Variants in C9orf50 observed in about 807,000 individuals in gnomAD.
C9orf50 encodes uncharacterized protein C9orf50.
In C9orf50, 33 loss-of-function variants were observed where a neutral mutation model predicts 42.5. That is an observed-to-expected ratio of 0.78 (90% CI 0.59 to 1.04). The LOEUF (loss-of-function observed/expected upper bound fraction) is 1.04. C9orf50 is among the 50% of genes least tolerant of loss of function. C9orf50 has a pLI of 0.00. For synonymous variants in C9orf50, 257 were observed against 273.4 expected, an observed-to-expected ratio of 0.94 and a Z score of 0.59; for missense variants, 547 against 594.3, an observed-to-expected ratio of 0.92 and a Z score of 0.83.
chr9:129,619,699 A>G (rs1830575061), intron 2 of C9orf50, 41 bp downstream of exon 2: 3 of 1,612,608 alleles, frequency 1.9e-6, no homozygotes, highest in Non-Finnish European at 2.5e-6. Flanking sequence ...GGAAACATCG[A>G]TGGCAACCCC....
intron 3 of C9orf50, among the ~76,000 whole-genome samples, chr9:129,616,856 A>T (rs1351295878): frequency 1.3e-5 from 2 of 152,184 alleles, no homozygotes; most frequent in African/African-American, 4.8e-5. Flanking sequence ...GCAGATCAAA[A>T]GGTCAAGAGA....
intron 3 of C9orf50, among the ~76,000 whole-genome samples, chr9:129,617,826 G>A (rs774427681): frequency 2.3e-4 from 35 of 152,152 alleles, no homozygotes; most frequent in Non-Finnish European, 4.6e-4. Flanking sequence ...TGGAACCACA[G>A]GCATGCACCA....
chr9:129,618,641 G>A (rs1830507474), intron 3 of C9orf50, among the ~76,000 whole-genome samples: 1 of 152,038 alleles, frequency 6.6e-6, no homozygotes, highest in African/African-American at 2.4e-5. Context: ...TTGGATCAAT[G>A]GATGGATGGA....
intron 4 of C9orf50, 22 bp downstream of exon 4, chr9:129,615,462 G>C: frequency 6.5e-7 from 1 of 1,544,686 alleles, no homozygotes; most frequent in Non-Finnish European, 8.7e-7. Context: ...GAGTCTCGAG[G>C]CTCCCCATCC....
In C9orf50 at chr9:129,620,086, G is replaced by C. The variant is rs1830604876; in HGVS notation, c.489C>G (p.Ala163=). 3.4e-6 allele frequency: 5 copies of C among 1,449,648 alleles called. No individual in the cohort carries two copies. The highest frequency in any genetic ancestry group is 1.5e-5 in the South Asian group (1 of 67,974). The allele number at this position is 1,449,648 out of a possible 1,614,324, so 89.8% of individuals were successfully genotyped here. ...CCTCACTCAGTGGCTCCGGCTCCTC[G>C]GCGCACTTCTCCTGGAGCTGGTGCA... Residue 163 remains alanine (A), a synonymous_variant, in exon 1 of 7, where the codon GCC becomes GCG. Transcript: ENST00000372478. This position sits in a 1 kb window ranked among gnomAD's most constrained non-coding sequence, Gnocchi z 5.8.
chr9:129,616,882 C>T (rs900853955), intron 3 of C9orf50, among the ~76,000 whole-genome samples: 3 of 152,122 alleles, frequency 2.0e-5, no homozygotes, highest in Non-Finnish European at 1.5e-5. Context: ...ACCATCCTGG[C>T]CAACATGGTG....
At chr9:129,612,400 T>C (rs1287234913) in exon 7 of C9orf50, 1 of 1,612,956 alleles carries the variant, frequency 6.2e-7, no homozygotes, top group Non-Finnish European at 8.5e-7. Flanking sequence ...TGGTACCCCT[T>C]AGGGCAGCCT....
intron 4 of C9orf50, among the ~76,000 whole-genome samples, chr9:129,615,135 C>T (rs918987021): frequency 6.6e-6 from 1 of 152,320 alleles, no homozygotes; most frequent in Middle Eastern, 3.4e-3. Context: ...CTCCTCCAGC[C>T]CCTGTAGGCT....
In C9orf50 at chr9:129,620,666, A is replaced by G. The variant is rs1333296128; in HGVS notation, c.-92T>C. On this transcript the variant is annotated 5_prime_UTR_variant, in exon 1 of 7. It removes an upstream start codon present in the reference 5' UTR. Transcript: ENST00000372478. This position sits in a 1 kb window ranked among gnomAD's most constrained non-coding sequence, Gnocchi z 5.8. ...GGAGGGCATAGTCCAGCCCCAGGCC[A>G]TAGTGCCCCGGGCGGGGCAGCGCGG... The G allele has an allele frequency of 9.4e-6, 11 of 1,171,178 alleles. No homozygotes were observed. The South Asian group carries it at 3.7e-4, about 39-fold the overall frequency. The allele number at this position is 1,171,178 out of a possible 1,614,324, so 72.5% of individuals were successfully genotyped here.
In C9orf50 at chr9:129,613,961, A is replaced by T. The variant is rs1280406393; in HGVS notation, c.881-364T>A. Among the ~76,000 whole-genome samples the T allele has an allele frequency of 6.6e-6, 1 of 152,150 alleles. No individual in the cohort carries two copies. Among genetic ancestry groups the T allele is most frequent in the Admixed American group, 6.6e-5 (1 of 15,266 alleles). ...CAGGGATGGGGGCTCTTCCTGTCCA[A>T]CAGCAGCCATGCGAGGTGGTCCAAG... On this transcript the variant is annotated intron_variant, in intron 4 of 6. Transcript: ENST00000372478. This position sits in a 1 kb window ranked among gnomAD's most constrained non-coding sequence, Gnocchi z 6.2.
rs769527587 is a variant in C9orf50, at chr9:129,613,299, C to T, written c.1044-48G>A. The T allele has an allele frequency of 3.2e-6, 5 of 1,569,756 alleles. No homozygotes were observed. The African/African-American group carries it at 5.4e-5, about 17-fold the overall frequency. On this transcript the variant is annotated intron_variant, in intron 5 of 6. Transcript: ENST00000372478. The surrounding 1 kb of genome is among the most constrained non-coding windows in gnomAD (Gnocchi z 6.2). ...AGCTTCCTGGACTCTGAGTCCCCGG[C>T]CCACCCATGGCTGGCAGGGCCCTTG...
In C9orf50 at chr9:129,614,330, C is replaced by G. The variant is rs1167617530; in HGVS notation, c.881-733G>C. On this transcript the variant is annotated intron_variant, in intron 4 of 6. Transcript: ENST00000372478. The surrounding 1 kb of genome is among the most constrained non-coding windows in gnomAD (Gnocchi z 4.4). ...AATCACAGCTTCTAACTCCAGCTTC[C>G]TGTCACGCTAAGGAGGCTGCGTCAG... is the stretch of plus-strand genomic sequence containing the variant. Among the ~76,000 whole-genome samples the G allele has an allele frequency of 6.6e-6, 1 of 152,200 alleles. No homozygotes were observed. Among genetic ancestry groups the G allele is most frequent in the Non-Finnish European group, 1.5e-5 (1 of 68,040 alleles).
At position 129,613,460 on chromosome 9, in the gene C9orf50, A is replaced by G. The variant is rs41276772; in HGVS notation, c.1018T>C (p.Ser340Pro). 3.2e-3 allele frequency: 5,219 copies of G among 1,613,968 alleles called. 99 individuals carry two copies. The African/African-American group carries it at 0.043, about 13-fold the overall frequency. ...AGGCCAGCGCAGTCCCAACACGAGG[A>G]GCTGGCCAGGGTCTCCTCCTTGGCC... Residue 340 changes from serine (S) to proline (P), a missense_variant, in exon 5 of 7, where the codon TCC (serine) becomes CCC (proline). Transcript: ENST00000372478. The surrounding 1 kb of genome is among the most constrained non-coding windows in gnomAD (Gnocchi z 6.2).
rs1429955303 is a variant in C9orf50 at position 129,615,400 on chromosome 9, C to T, written c.880+84G>A. ...TGGCCTTTGCAAAGCCAGTCCCTCACTCTAGGGGCCCGGAGCTACAGCCTC... is the reference window on the plus strand; with the variant it reads ...TGGCCTTTGCAAAGCCAGTCCCTCATTCTAGGGGCCCGGAGCTACAGCCTC... On this transcript the variant is annotated intron_variant, in intron 4 of 6. Transcript: ENST00000372478. 13 of 1,416,648 alleles carry T rather than the reference C, an allele frequency of 9.2e-6. No homozygotes were observed. In the African/African-American group the frequency reaches 1.7e-4, roughly 19 times the overall value. The allele number at this position is 1,416,648 out of a possible 1,614,324, so 87.8% of individuals were successfully genotyped here.
chr9:129,618,690 TA>T (rs1830510557), intron 3 of C9orf50, among the ~76,000 whole-genome samples: 1 of 151,442 alleles, frequency 6.6e-6, no homozygotes, highest in African/African-American at 2.4e-5. Flanking sequence ...TATTTTATTT[TA>T]TTTTATTTCA....
rs41276772 is a variant in C9orf50 at position 129,613,460 on chromosome 9, A to T, written c.1018T>A (p.Ser340Thr). Residue 340 changes from serine to threonine, a missense_variant, in exon 5 of 7, where the codon TCC (serine) becomes ACC (threonine). This residue lies in a region of C9orf50 where 334 missense variants were observed against 323.7 expected (regional missense o/e 1.03). Coordinates refer to ENST00000372478, the Ensembl canonical transcript of C9orf50. The surrounding 1 kb of genome is among the most constrained non-coding windows in gnomAD (Gnocchi z 6.2). ...AGGCCAGCGCAGTCCCAACACGAGGAGCTGGCCAGGGTCTCCTCCTTGGCC... is the reference window on the plus strand; with the variant it reads ...AGGCCAGCGCAGTCCCAACACGAGGTGCTGGCCAGGGTCTCCTCCTTGGCC... 1 of 1,613,968 alleles carries T rather than the reference A, an allele frequency of 6.2e-7. No individual in the cohort carries two copies. The highest frequency in any genetic ancestry group is 2.2e-5 in the East Asian group (1 of 44,870).
rs1009152098 is a variant in C9orf50, at chr9:129,620,264, G to C, written c.311C>G (p.Pro104Arg). ...CCGGGACGCGCCGGCCGACAGCAGG[G>C]GAGGCGGCAGCAGGGACCGCAGCAG... The change falls in exon 1 of 7, where the codon CCC (proline) becomes CGC (arginine). Residue 104 changes from proline (P) to arginine (R), a missense_variant. Transcript: ENST00000372478. This position sits in a 1 kb window ranked among gnomAD's most constrained non-coding sequence, Gnocchi z 5.8. 15 of 1,329,982 alleles carry C rather than the reference G, an allele frequency of 1.1e-5. No individual in the cohort carries two copies. In the African/African-American group the frequency reaches 2.3e-4, roughly 20 times the overall value. 82.4% of individuals were successfully genotyped at this position (1,329,982 alleles called of 1,614,324 possible). A position where few individuals can be genotyped will look rare whatever the true frequency, so the allele number is the denominator to read the frequency against.
chr9:129,613,929 G>A lies in C9orf50; in HGVS notation c.881-332C>T, dbSNP rs1442715057. 6.6e-6 allele frequency among the ~76,000 whole-genome samples: 1 copy of A among 152,190 alleles called. No individual in the cohort carries two copies. The highest frequency in any genetic ancestry group is 1.9e-4 in the East Asian group (1 of 5,198). ...GAGAGCGTTGAGGGCTTCAGGGAGG[G>A]CTGTCTCAGGGATGGGGGCTCTTCC... On this transcript the variant is annotated intron_variant, in intron 4 of 6. Transcript: ENST00000372478. This position sits in a 1 kb window ranked among gnomAD's most constrained non-coding sequence, Gnocchi z 6.2.
intron 4 of C9orf50, among the ~76,000 whole-genome samples, 169 bp downstream of exon 4, chr9:129,615,315 A>C: frequency 6.6e-6 from 1 of 152,230 alleles, no homozygotes; most frequent in East Asian, 1.9e-4. Flanking sequence ...TTCGAAGGTC[A>C]ACCTGACATC....
Sources: allele counts gnomAD v4.1 joint callset (sites outside exome capture counted in the v4.1 genomes callset), GRCh38; gene constraint gnomAD v4.1.1; regional missense constraint gnomAD v4.1.1; non-coding constraint Gnocchi (gnomAD v3.1); transcripts MANE v1.5; gene names NCBI Gene and HGNC (gene_info 2026-07-23, HGNC 2026-07-21).